Variants in TANGO2 observed in about 807,000 individuals in gnomAD.
The protein encoded by TANGO2 is transport and golgi organization 2 homolog, also known as transport and Golgi organization protein 2 homolog.
Under a neutral mutation model 39.1 loss-of-function variants are expected in TANGO2, and 26 were observed. That is an observed-to-expected ratio of 0.67 (90% CI 0.49 to 0.92). The LOEUF (loss-of-function observed/expected upper bound fraction) is 0.92, where lower values mean the gene tolerates loss of function less well. TANGO2 is among the 40% of genes least tolerant of loss of function. The pLI is 0.00. For synonymous variants in TANGO2, 131 were observed against 144.5 expected, an observed-to-expected ratio of 0.91 and a Z score of 0.67; for missense variants, 326 against 360.1, an observed-to-expected ratio of 0.91 and a Z score of 0.77.
intron 3 of TANGO2, 100 bp downstream of exon 3, chr22:20,043,543 T>C: frequency 3.6e-6 from 3 of 829,814 alleles, no homozygotes; most frequent in Non-Finnish European, 5.9e-6. Flanking sequence ...CTTCCAAGTG[T>C]GATGGCGGGG....
Position 20,024,158 on chromosome 22 carries a change from C to T in TANGO2, c.-40+2912C>T, listed in dbSNP as rs1036037144. Among the ~76,000 whole-genome samples, 34 of 152,132 alleles carry T rather than the reference C, an allele frequency of 2.2e-4. 1 individual carries two copies. The highest frequency in any genetic ancestry group is 2.1e-3 in the Admixed American group (32 of 15,272). On this transcript the variant is annotated intron_variant, in intron 1 of 8. Coordinates refer to ENST00000327374, the MANE Select transcript of TANGO2 (RefSeq NM_152906.7). ...GAGAGGTCACCCTCTCCAGCTGCCC[C>T]CAGCCCACCCAACAGGACCATTGCA...
chr22:20,026,066 C>T (rs191534776), intron 1 of TANGO2, among the ~76,000 whole-genome samples: 45 of 152,318 alleles, frequency 3.0e-4, no homozygotes, highest in African/African-American at 9.4e-4. Flanking sequence ...GTGGTCCCCA[C>T]CTCACAGCAG....
intron 1 of TANGO2, among the ~76,000 whole-genome samples, chr22:20,021,466 A>T (rs1418807221): frequency 6.6e-6 from 1 of 152,152 alleles, no homozygotes; most frequent in Non-Finnish European, 1.5e-5. Flanking sequence ...TGAGATCGGC[A>T]GGGTTGGGAG....
intron 3 of TANGO2, among the ~76,000 whole-genome samples, chr22:20,048,692 G>A (rs1043824550): frequency 6.6e-6 from 1 of 151,868 alleles, no homozygotes; most frequent in Non-Finnish European, 1.5e-5. Context: ...CTGTTGCCAG[G>A]CTGGAGTACA....
chr22:20,046,989 T>A (rs974678044), intron 3 of TANGO2, among the ~76,000 whole-genome samples: 18 of 152,252 alleles, frequency 1.2e-4, no homozygotes, highest in African/African-American at 3.9e-4. Context: ...TCAGGAAGCT[T>A]CTACTGATGG....
At chr22:20,043,311 G>T in intron 2 of TANGO2, 44 bp from the exon 3 acceptor site, 1 of 1,430,606 alleles carries the variant, frequency 7.0e-7, no homozygotes, top group Non-Finnish European at 9.8e-7. Context: ...GACTTGGCTC[G>T]CTCGTTTCCA....
At chr22:20,061,341 C>T in intron 6 of TANGO2, 189 bp from the exon 7 acceptor site, 2 of 612,450 alleles carry the variant, frequency 3.3e-6, no homozygotes, top group Non-Finnish European at 2.7e-6. Context: ...CTGAGTTCTC[C>T]TCTCCTTGCC....
intron 8 of TANGO2, 53 bp downstream of exon 8, chr22:20,063,495 G>C: frequency 1.3e-6 from 2 of 1,491,052 alleles, no homozygotes; most frequent in South Asian, 1.2e-5. Context: ...CACCTCCCAC[G>C]CTAGAGGGCC....
intron 8 of TANGO2, among the ~76,000 whole-genome samples, chr22:20,064,027 C>CTGCCGTGAGA (rs1568928092): frequency 2.6e-5 from 4 of 152,206 alleles, no homozygotes; most frequent in African/African-American, 9.6e-5. Context: ...GCAAAGCCCA[C>CTGCCGTGAGA]GGCAGAGAGG....
intron 2 of TANGO2, among the ~76,000 whole-genome samples, chr22:20,042,454 C>T (rs1031152167): frequency 1.3e-5 from 2 of 152,186 alleles, no homozygotes; most frequent in African/African-American, 4.8e-5. Context: ...GATGTCTCTC[C>T]TAATTCCAAA....
chr22:20,039,426 C>T (rs917059626), intron 2 of TANGO2, among the ~76,000 whole-genome samples: 23 of 150,830 alleles, frequency 1.5e-4, no homozygotes, highest in East Asian at 1.4e-3. Context: ...GTCAGGAGTT[C>T]GAGACCAGCC....
At chr22:20,056,545 C>T (rs1403222685) in intron 6 of TANGO2, 1 of 456,754 alleles carries the variant, frequency 2.2e-6, no homozygotes, top group Admixed American at 2.4e-5. Flanking sequence ...CCTGGCTCTG[C>T]ACCACTGCCC....
rs369811594 is a variant in TANGO2 at position 20,061,694 on chromosome 22, G to A, written c.605+11G>A. 80 of 1,540,480 alleles carry A rather than the reference G, an allele frequency of 5.2e-5. 1 individual carries two copies. The African/African-American group carries it at 5.3e-4, about 10-fold the overall frequency. On this transcript the variant is annotated intron_variant, in intron 7 of 8. Coordinates refer to ENST00000327374, the MANE Select transcript of TANGO2 (RefSeq NM_152906.7). The stretch of plus-strand genomic sequence containing the variant: ...CAACAATGAAGAGGCGTGAGTGGGC[G>A]GGTCCTGCTGGGGTGAGCCCCAGTG...
intron 1 of TANGO2, among the ~76,000 whole-genome samples, chr22:20,029,826 T>A (rs1355233373): frequency 6.6e-6 from 1 of 152,218 alleles, no homozygotes; most frequent in Non-Finnish European, 1.5e-5. Context: ...TCACTCTAGC[T>A]GTCTGGGCTG....
At position 20,030,048 on chromosome 22, in the gene TANGO2, C is replaced by T. The variant is rs111908992; in HGVS notation, c.-39-6712C>T. The stretch of plus-strand genomic sequence containing the variant: ...CCAGGAGGCAGTGGTACAGGCCAGC[C>T]GCTCCGTATGACCAGAGAACCAGTG... On this transcript the variant is annotated intron_variant, in intron 1 of 8. Transcript: ENST00000327374. 4.3e-3 allele frequency among the ~76,000 whole-genome samples: 660 copies of T among 152,156 alleles called. 5 individuals carry two copies. Among genetic ancestry groups the T allele is most frequent in the African/African-American group, 0.015 (623 of 41,508 alleles).
chr22:20,063,455 C>T lies in TANGO2; in HGVS notation c.710+13C>T, dbSNP rs370251990. 3.1e-5 allele frequency: 50 copies of T among 1,606,426 alleles called. No homozygotes were observed. The Admixed American group carries it at 3.2e-4, about 10-fold the overall frequency. On this transcript the variant is annotated intron_variant, in intron 8 of 8. Coordinates refer to ENST00000327374, the MANE Select transcript of TANGO2 (RefSeq NM_152906.7). ...GCTACGGCACCAGGTATTGCAGCACCGTGGGTGCGCCACCTCCTATCCCAT... is the reference window on the plus strand; with the variant it reads ...GCTACGGCACCAGGTATTGCAGCACTGTGGGTGCGCCACCTCCTATCCCAT...
chr22:20,023,289 G>GC (rs952272964), intron 1 of TANGO2, among the ~76,000 whole-genome samples: 11 of 125,920 alleles, frequency 8.7e-5, no homozygotes, highest in Non-Finnish European at 1.9e-4. Context: ...TGGTAGGAGT[G>GC]CCCCCCTTTT....
At chr22:20,026,357 C>T (rs1025855229) in intron 1 of TANGO2, among the ~76,000 whole-genome samples, 3 of 151,658 alleles carry the variant, frequency 2.0e-5, no homozygotes, top group Non-Finnish European at 2.9e-5. Flanking sequence ...GAGATCGCGC[C>T]GTTGAACTCC....
chr22:20,046,460 A>ATTT (rs695718), intron 3 of TANGO2, among the ~76,000 whole-genome samples: 1 of 98,554 alleles, frequency 1.0e-5, no homozygotes, highest in Non-Finnish European at 2.0e-5. Context: ...AGGCTGGGTA[A>ATTT]TTTTTTTTTT....
Sources: gnomAD v4.1 joint callset for allele counts (sites outside exome capture counted in the v4.1 genomes callset) on GRCh38, gnomAD v4.1.1 for gene constraint, MANE v1.5 for transcripts, NCBI Gene and HGNC (gene_info 2026-07-23, HGNC 2026-07-21) for gene names.